PZP: variants seen among roughly 807,000 people sequenced by gnomAD.
PZP encodes pregnancy zone protein.
PZP carries 150 observed loss-of-function variants against 179.8 expected under a neutral mutation model. The ratio of observed to expected loss-of-function variants is 0.83; its 90% confidence interval spans 0.73 to 0.96. PZP has a LOEUF of 0.96. Among genes scored for constraint, PZP ranks in the 40% least tolerant of loss-of-function variants. The probability of loss-of-function intolerance (pLI) is 0.00; values close to 1 mark genes in which losing one functional copy is unlikely to be tolerated. For missense variants in PZP, 1,689 were observed against 1,764.0 expected (o/e 0.96, Z 0.76); for synonymous variants, 624 against 652.3 (o/e 0.96, Z 0.66).
intron 17 of PZP, chr12:9,168,427 A>T: frequency 6.4e-6 from 1 of 156,564 alleles, no homozygotes; most frequent in Non-Finnish European, 1.4e-5. Flanking sequence ...GTGTTGAAAA[A>T]GGCTGCTGTA....
In PZP at chr12:9,196,332, G is replaced by C. The variant is rs780938276; in HGVS notation, c.1090C>G (p.Gln364Glu). 4.4e-6 allele frequency: 7 copies of C among 1,600,620 alleles called. No homozygotes were observed. The highest frequency in any genetic ancestry group is 6.0e-6 in the Non-Finnish European group (7 of 1,168,060). The change falls in exon 10 of 36, where the codon CAG (glutamine) becomes GAG (glutamate). Residue 364 changes from glutamine (Q) to glutamate (E), a missense_variant and splice_region_variant. By Grantham distance (29) the Gln-to-Glu change is conservative. Coordinates refer to ENST00000261336, the MANE Select transcript of PZP (RefSeq NM_002864.3). ...HFRQGIPFFA[Q>E]VLLVDGKGVP... is the part of the protein sequence containing the mutation. ...CTGTGCATTACAACATATCTTACCT[G>C]TGCAAAAAAGGGGATTCCTTGTCTA...
intron 10 of PZP, among the ~76,000 whole-genome samples, 155 bp from the exon 11 acceptor site, chr12:9,194,393 C>T (rs959511888): frequency 6.6e-5 from 10 of 152,070 alleles, no homozygotes; most frequent in Non-Finnish European, 1.5e-5. Context: ...ATGTTTCCTT[C>T]CATTTGGATC....
chr12:9,185,604 A>G (rs1445845745), intron 13 of PZP, among the ~76,000 whole-genome samples: 2 of 152,092 alleles, frequency 1.3e-5, no homozygotes, highest in Non-Finnish European at 2.9e-5. Context: ...ATACTTCACA[A>G]GAAAGTCATC....
At position 9,152,285 on chromosome 12, in the gene PZP, T is replaced by C; in HGVS notation, c.4147A>G (p.Asn1383Asp). ...ISYTGNRPASNMVIVDVKMVS... is the reference protein window; with the variant it reads ...ISYTGNRPASDMVIVDVKMVS... ...ATCTTTACATCAACAATCACCATAT[T>C]GGAAGCAGGACGGTTTCCTGTGTAA... is the stretch of plus-strand genomic sequence containing the variant. The change falls in exon 32 of 36, where the codon AAT becomes GAT. Residue 1383 changes from asparagine to aspartate, a missense_variant. By Grantham distance (23) the Asn-to-Asp change is conservative (BLOSUM62 1). Transcript: ENST00000261336. The C allele has an allele frequency of 6.2e-7, 1 of 1,613,534 alleles. No homozygotes were observed. The highest frequency in any genetic ancestry group is 8.5e-7 in the Non-Finnish European group (1 of 1,179,496).
intron 32 of PZP, among the ~76,000 whole-genome samples, 165 bp downstream of exon 32, chr12:9,152,055 C>G (rs748680604): frequency 6.6e-6 from 1 of 152,212 alleles, no homozygotes; most frequent in East Asian, 1.9e-4. Context: ...CACATATGTC[C>G]CTTAGCTTAC....
the PZP span, among the ~76,000 whole-genome samples, chr12:9,140,557 A>G: frequency 2.0e-5 from 3 of 152,240 alleles, no homozygotes; most frequent in Non-Finnish European, 4.4e-5. Context: ...ATTTGCATAC[A>G]GTGCAGCAAG....
At chr12:9,169,120 A>G in intron 16 of PZP, 146 bp from the exon 17 acceptor site, 1 of 613,518 alleles carries the variant, frequency 1.6e-6, no homozygotes, top group South Asian at 2.6e-5. Flanking sequence ...GAGTAGTGAA[A>G]TTACTAAACT....
chr12:9,196,429 G>T lies in PZP; in HGVS notation c.993C>A (p.Val331=), dbSNP rs780694577. The T allele has an allele frequency of 9.3e-6, 15 of 1,611,266 alleles. No individual in the cohort carries two copies. Among genetic ancestry groups the T allele is most frequent in the Non-Finnish European group, 1.1e-5 (13 of 1,177,726 alleles). Residue 331 remains valine (V), a synonymous_variant, in exon 10 of 36, where the codon GTC becomes GTA. Transcript: ENST00000261336. ...TGATTTCACTGATCCTGTTTGCAGT[G>T]ACTTCCAGGTCTGAAAAATATAAAG... ...RIREEGTDLE[V]TANRISEITN... is the part of the protein sequence containing the mutation.
At chr12:9,176,497 A>C (rs1271208361) in intron 15 of PZP, among the ~76,000 whole-genome samples, 1 of 152,260 alleles carries the variant, frequency 6.6e-6, no homozygotes, top group Non-Finnish European at 1.5e-5. Context: ...AACGCAGTCC[A>C]TATTCAAAAT....
intron 21 of PZP, 61 bp from the exon 22 acceptor site, chr12:9,162,709 A>G (rs1941294606): frequency 7.7e-7 from 1 of 1,297,632 alleles, no homozygotes; most frequent in Non-Finnish European, 1.1e-6. Context: ...AGAGAACCAC[A>G]TGGATTCCTT....
In PZP at chr12:9,160,788, G is replaced by A. The variant is rs536773530; in HGVS notation, c.2872+245C>T. ...AAATTAGCCGGGCGTGGTGGCGGGC[G>A]CCTGTAGTCCCAGCTACTCGGGAGG... On this transcript the variant is annotated intron_variant, in intron 23 of 35. Transcript: ENST00000261336. 1.8e-3 allele frequency among the ~76,000 whole-genome samples: 277 copies of A among 152,066 alleles called. 2 individuals are homozygous for A. Among genetic ancestry groups the A allele is most frequent in the Middle Eastern group, 6.8e-3 (2 of 294 alleles).
At chr12:9,165,989 G>T (rs1172096126) in intron 18 of PZP, 63 bp downstream of exon 18, 7 of 1,528,142 alleles carry the variant, frequency 4.6e-6, no homozygotes, top group Non-Finnish European at 6.2e-6. Flanking sequence ...TCTTAGAATT[G>T]AAAATGTTGG....
At chr12:9,175,250 G>A (rs919380474) in intron 15 of PZP, among the ~76,000 whole-genome samples, 1 of 152,114 alleles carries the variant, frequency 6.6e-6, no homozygotes, top group Non-Finnish European at 1.5e-5. Flanking sequence ...GGGAATGCTG[G>A]CTAGCCTTAT....
chr12:9,203,417 C>T (rs550926379), intron 2 of PZP, among the ~76,000 whole-genome samples: 6 of 146,830 alleles, frequency 4.1e-5, no homozygotes, highest in Admixed American at 2.1e-4. Flanking sequence ...TCTCGGCTCA[C>T]TGCAAACTTC....
downstream of PZP, among the ~76,000 whole-genome samples, chr12:9,144,784 C>T (rs527313473): frequency 3.5e-4 from 53 of 152,042 alleles, no homozygotes; most frequent in African/African-American, 1.2e-3. Flanking sequence ...TCTCTCTGGC[C>T]GGAGGGGAGG....
chr12:9,158,016 C>T (rs755582672), intron 26 of PZP, among the ~76,000 whole-genome samples, 175 bp from the exon 27 acceptor site: 3 of 152,330 alleles, frequency 2.0e-5, no homozygotes, highest in Middle Eastern at 3.4e-3. Context: ...TGCAGTAGCA[C>T]TATCACACAT....
intron 15 of PZP, among the ~76,000 whole-genome samples, chr12:9,176,618 A>G (rs1012875425): frequency 1.3e-5 from 2 of 152,248 alleles, no homozygotes; most frequent in African/African-American, 2.4e-5. Context: ...AACAGATTCA[A>G]GAACCCACAG....
Position 9,192,264 on chromosome 12 carries a change from GA to G in PZP, c.1483-9del. 1 of 1,612,780 alleles carries G rather than the reference GA, an allele frequency of 6.2e-7. No individual in the cohort carries two copies. Among genetic ancestry groups the G allele is most frequent in the Non-Finnish European group, 8.5e-7 (1 of 1,179,248 alleles). On this transcript the variant is annotated splice_polypyrimidine_tract_variant and intron_variant, in intron 12 of 35. Coordinates refer to ENST00000261336, the MANE Select transcript of PZP (RefSeq NM_002864.3). The stretch of plus-strand genomic sequence containing the variant: ...GACTCCCTTAGCCATGATCTGAAAT[GA>G]AAAAACAGTGAAGGAAATTTCTTGA...
chr12:9,176,999 T>C (rs1942411668), intron 15 of PZP, among the ~76,000 whole-genome samples: 1 of 152,206 alleles, frequency 6.6e-6, no homozygotes, highest in Non-Finnish European at 1.5e-5. Context: ...GGATCGAGTA[T>C]ATTTTACATG....
Sources: gnomAD v4.1 joint callset for allele counts (sites outside exome capture counted in the v4.1 genomes callset) on GRCh38, gnomAD v4.1.1 for gene constraint, MANE v1.5 for transcripts, NCBI Gene and HGNC (gene_info 2026-07-23, HGNC 2026-07-21) for gene names.